The following LSS variants were observed in gnomAD, a reference collection of about 807,000 sequenced individuals.
LSS encodes the protein 2,3-epoxysqualene-lanosterol cyclase.
A neutral mutation model predicts 110.3 loss-of-function variants in LSS; 90 were observed. The ratio of observed to expected loss-of-function variants is 0.82; its 90% confidence interval spans 0.69 to 0.97. The LOEUF is 0.97. Among genes scored for constraint, LSS ranks in the 50% least tolerant of loss-of-function variants. The probability of loss-of-function intolerance (pLI) is 0.00; values close to 1 mark genes in which losing one functional copy is unlikely to be tolerated. For missense variants in LSS, 927 were observed against 990.0 expected (o/e 0.94, Z 0.85); for synonymous variants, 433 against 400.0 (o/e 1.08, Z -0.98).
intron 11 of LSS, among the ~76,000 whole-genome samples, chr21:46,212,054 AGGGAG>A (rs2080141169): frequency 2.1e-5 from 1 of 46,900 alleles, no homozygotes; most frequent in African/African-American, 9.2e-5. Flanking sequence ...AGCGCTGGGC[AGGGAG>A]GGGCAGGGAG....
chr21:46,189,519 G>T lies in LSS; in HGVS notation c.*1585C>A. 1 of 380,770 alleles carries T rather than the reference G, an allele frequency of 2.6e-6. No individual in the cohort carries two copies. Among genetic ancestry groups the T allele is most frequent in the East Asian group, 7.3e-5 (1 of 13,702 alleles). The allele number at this position is 380,770 out of a possible 1,614,324, so 23.6% of individuals were successfully genotyped here. ...AGCAGGCAGGCGAGTCCCAAGGAGA[G>T]TCAGTGACAGCACATGGGGCAAGGG... is the stretch of plus-strand genomic sequence containing the variant. On this transcript the variant is annotated 3_prime_UTR_variant, in exon 22 of 22. Coordinates refer to ENST00000397728, the MANE Select transcript of LSS (RefSeq NM_002340.6).
At chr21:46,221,783 A>G in intron 5 of LSS, 71 bp downstream of exon 5, 2 of 1,603,320 alleles carry the variant, frequency 1.2e-6, no homozygotes, top group East Asian at 2.2e-5. Context: ...ATCTTTCTGT[A>G]TCGCGTTTGT....
At chr21:46,194,819 C>T (rs1443756825) in intron 19 of LSS, among the ~76,000 whole-genome samples, 158 bp from the exon 20 acceptor site, 1 of 152,268 alleles carries the variant, frequency 6.6e-6, no homozygotes, top group Non-Finnish European at 1.5e-5. Context: ...CCGAGCTTGA[C>T]TTTTGCAGAT....
At chr21:46,223,503 T>C (rs2080302123) in intron 3 of LSS, among the ~76,000 whole-genome samples, 1 of 152,224 alleles carries the variant, frequency 6.6e-6, no homozygotes, top group South Asian at 2.1e-4. Context: ...AGACATGCCC[T>C]GTGTGGGCGG....
chr21:46,211,105 C>T (rs1347882061), intron 11 of LSS, among the ~76,000 whole-genome samples: 1 of 152,170 alleles, frequency 6.6e-6, no homozygotes, highest in African/African-American at 2.4e-5. Context: ...GCACCTCAGT[C>T]ATGGTGATGC....
At chr21:46,222,544 G>A in intron 4 of LSS, 86 bp downstream of exon 4, 2 of 1,215,464 alleles carry the variant, frequency 1.6e-6, no homozygotes, top group Admixed American at 1.9e-5. Flanking sequence ...CTAACCCCTG[G>A]CAGCTGCCTG....
chr21:46,224,446 G>A (rs1330412598), intron 3 of LSS, among the ~76,000 whole-genome samples: 8 of 152,014 alleles, frequency 5.3e-5, no homozygotes, highest in South Asian at 2.1e-4. Flanking sequence ...CTCTCTCATC[G>A]CCGCACACAG....
rs772157897 is a variant in LSS, at chr21:46,216,398, G to A, written c.774C>T (p.Ser258=). 1.9e-5 allele frequency: 31 copies of A among 1,613,680 alleles called. No homozygotes were observed. Among genetic ancestry groups the A allele is most frequent in the Non-Finnish European group, 2.4e-5 (28 of 1,180,030 alleles). Reference sequence around the variant, plus strand: ...CCTGATGAGGTCCTACCTGGCGGAGGCTCTGGACCAGCGGGTCTTCCGCGG... The same window carrying A: ...CCTGATGAGGTCCTACCTGGCGGAGACTCTGGACCAGCGGGTCTTCCGCGG... The part of the protein sequence containing the change: ...LSAAEDPLVQ[S]LRQELYVEDF... The change falls in exon 7 of 22, where the codon AGC becomes AGT. Residue 258 remains serine (S), a synonymous_variant. Transcript: ENST00000397728. This position sits in a 1 kb window ranked among gnomAD's most constrained non-coding sequence, Gnocchi z 4.2.
At position 46,207,398 on chromosome 21, in the gene LSS, T is replaced by C. The variant is rs1460169558; in HGVS notation, c.1467+30A>G. On this transcript the variant is annotated intron_variant, in intron 15 of 21. Coordinates refer to ENST00000397728, the MANE Select transcript of LSS (RefSeq NM_002340.6). ...CAGCTCATCTGCAGGACACGAGGTA[T>C]GGACGGGGCTGCTGGGACCACAGCC... The C allele has an allele frequency of 2.5e-6, 4 of 1,608,344 alleles. No homozygotes were observed. The South Asian group carries it at 3.3e-5, about 13-fold the overall frequency.
At chr21:46,213,235 G>A (rs954308879) in intron 10 of LSS, among the ~76,000 whole-genome samples, 183 bp from the exon 11 acceptor site, 3 of 152,166 alleles carry the variant, frequency 2.0e-5, no homozygotes, top group African/African-American at 4.8e-5. Flanking sequence ...ACACTCTATG[G>A]AAAACAGGAC....
intron 15 of LSS, 141 bp downstream of exon 15, chr21:46,207,287 C>A (rs2080062952): frequency 2.9e-6 from 3 of 1,041,448 alleles, no homozygotes; most frequent in Non-Finnish European, 4.2e-6. Context: ...CAGTTCTCCA[C>A]ATATAGACAC....
rs1410055245 is a variant in LSS at position 46,215,169 on chromosome 21, G to C, written c.1011+11C>G. ...AGGGGCTGCAGTCAGAGGCCGGGCAGGGGCACTGACCGGGCCGATGCTGAT... is the reference window on the plus strand; with the variant it reads ...AGGGGCTGCAGTCAGAGGCCGGGCACGGGCACTGACCGGGCCGATGCTGAT... On this transcript the variant is annotated intron_variant, in intron 9 of 21. Coordinates refer to ENST00000397728, the MANE Select transcript of LSS (RefSeq NM_002340.6). 2.5e-6 allele frequency: 4 copies of C among 1,604,494 alleles called. No individual in the cohort carries two copies.
intron 17 of LSS, among the ~76,000 whole-genome samples, chr21:46,205,288 CGAGCAGGAGAGCAGGA>C: frequency 6.6e-6 from 1 of 151,538 alleles, no homozygotes; most frequent in South Asian, 2.1e-4. Context: ...TGACTAACCG[CGAGCAGGAGAGCAGGA>C]GAGCAGGAGA....
chr21:46,226,150 A>T (rs2080337573), intron 3 of LSS, among the ~76,000 whole-genome samples: 1 of 150,930 alleles, frequency 6.6e-6, no homozygotes. Context: ...AAAAAAAAAA[A>T]ATACAAAAAA....
At chr21:46,203,540 C>T (rs573210665) in intron 17 of LSS, among the ~76,000 whole-genome samples, 12 of 152,342 alleles carry the variant, frequency 7.9e-5, no homozygotes, top group African/African-American at 2.6e-4. Flanking sequence ...TTGCAAAGAA[C>T]CTGCTTTACT....
At chr21:46,202,889 A>G (rs1021643072) in intron 17 of LSS, among the ~76,000 whole-genome samples, 3 of 152,202 alleles carry the variant, frequency 2.0e-5, no homozygotes, top group African/African-American at 7.2e-5. Flanking sequence ...ACAAATAAAC[A>G]AAAAAAGAAT....
chr21:46,217,826 G>T (rs749271128), intron 6 of LSS, among the ~76,000 whole-genome samples: 26 of 152,132 alleles, frequency 1.7e-4, no homozygotes, highest in Non-Finnish European at 3.2e-4. Flanking sequence ...CATTACACAC[G>T]GGCGAGGCGC....
rs140025263 is a variant in LSS at position 46,194,505 on chromosome 21, C to T, written c.1974G>A (p.Gly658=). ...GTCGTCCCCACCGAACGGCCATCAG[C>T]CCCATCATGGCCCAGCATGTGTTAT... ...QIHNTCWAMM[G]LMAVRHPDIE... The change falls in exon 20 of 22, where the codon GGG becomes GGA. Residue 658 remains glycine (G), a synonymous_variant. Transcript: ENST00000397728. The T allele has an allele frequency of 1.9e-6, 3 of 1,613,596 alleles. No individual in the cohort carries two copies. Among genetic ancestry groups the T allele is most frequent in the Non-Finnish European group, 2.5e-6 (3 of 1,180,018 alleles).
In LSS at chr21:46,206,601, C is replaced by A. The variant is rs2080051660; in HGVS notation, c.1564+71G>T. ...GCCTCGGGCAAGGGGGAAAAGCTGG[C>A]CCCCAGGTTTGTGTACCACAGTGCT... On this transcript the variant is annotated intron_variant, in intron 16 of 21. Transcript: ENST00000397728. The A allele has an allele frequency of 8.4e-6, 11 of 1,308,562 alleles. No homozygotes were observed. In the South Asian group the frequency reaches 1.2e-4, roughly 14 times the overall value. 81.1% of individuals were successfully genotyped at this position (1,308,562 alleles called of 1,614,324 possible).
Sources: gnomAD v4.1 joint callset for allele counts (sites outside exome capture counted in the v4.1 genomes callset) on GRCh38, gnomAD v4.1.1 for gene constraint, Gnocchi (gnomAD v3.1) non-coding constraint, MANE v1.5 for transcripts, NCBI Gene and HGNC (gene_info 2026-07-23, HGNC 2026-07-21) for gene names.